HYDIN: variants seen among roughly 807,000 people sequenced by gnomAD.
The protein encoded by HYDIN is HYDIN axonemal central pair apparatus protein.
HYDIN carries 132 observed loss-of-function variants against 403.9 expected under a neutral mutation model. That is an observed-to-expected ratio of 0.33 (90% CI 0.28 to 0.38). HYDIN has a LOEUF of 0.38. HYDIN is among the 10% of genes least tolerant of loss of function. HYDIN has a pLI of 1.00. For synonymous variants in HYDIN, 1,202 were observed against 1,891.7 expected, an observed-to-expected ratio of 0.64 and a Z score of 9.46; for missense variants, 2,827 against 5,009.5, an observed-to-expected ratio of 0.56 and a Z score of 13.15.
intron 45 of HYDIN, among the ~76,000 whole-genome samples, chr16:70,923,398 G>T (rs1471301571): frequency 3.5e-5 from 5 of 141,166 alleles, no homozygotes. Flanking sequence ...AACCCGGGAG[G>T]TGGAGGTTGC....
At chr16:71,058,678 T>C (rs970779049) in intron 18 of HYDIN, among the ~76,000 whole-genome samples, 16 of 150,218 alleles carry the variant, frequency 1.1e-4, no homozygotes. Flanking sequence ...TTCATGTCTG[T>C]TCTTGTGCAA....
In HYDIN at chr16:71,183,907, T is replaced by C. The variant is rs191942511; in HGVS notation, c.261+958A>G. On this transcript the variant is annotated intron_variant, in intron 3 of 85. Transcript: ENST00000393567. Reference sequence around the variant, plus strand: ...GTCAAAACACATTAAAATACACTAGTAGTACACATGAAAAACTCCTCATAG... The same window carrying C: ...GTCAAAACACATTAAAATACACTAGCAGTACACATGAAAAACTCCTCATAG... Among the ~76,000 whole-genome samples the C allele has an allele frequency of 2.0e-4, 30 of 152,202 alleles. No individual in the cohort carries two copies. The East Asian group carries it at 4.8e-3, about 24-fold the overall frequency.
chr16:70,901,639 G>A (rs2076382610), intron 52 of HYDIN, among the ~76,000 whole-genome samples: 1 of 143,888 alleles, frequency 6.9e-6, no homozygotes, highest in South Asian at 2.2e-4. Flanking sequence ...AGTCTGGAGT[G>A]CAGTGGTGTG....
intron 30 of HYDIN, among the ~76,000 whole-genome samples, chr16:70,978,297 A>C (rs1415155982): frequency 1.3e-5 from 2 of 149,834 alleles, no homozygotes; most frequent in Non-Finnish European, 3.0e-5. Context: ...GAACCCACCC[A>C]GTTCGCCCTG....
At chr16:71,044,990 C>T (rs2081406421) in intron 18 of HYDIN, among the ~76,000 whole-genome samples, 1 of 151,280 alleles carries the variant, frequency 6.6e-6, no homozygotes, top group South Asian at 2.1e-4. Context: ...AATTGAGGGT[C>T]TGTTCTAGTT....
intron 1 of HYDIN, among the ~76,000 whole-genome samples, chr16:71,209,174 C>A (rs2088453715): frequency 6.7e-6 from 1 of 150,134 alleles, no homozygotes; most frequent in African/African-American, 2.5e-5. Context: ...AATCCAGTAG[C>A]ACATCAAAAA....
At chr16:71,056,128 T>TTG (rs1555627065) in intron 18 of HYDIN, among the ~76,000 whole-genome samples, 1 of 63,742 alleles carries the variant, frequency 1.6e-5, no homozygotes, top group Non-Finnish European at 4.8e-5. Flanking sequence ...CTGAGATTTG[T>TTG]TTTTTTTTTT....
intron 9 of HYDIN, among the ~76,000 whole-genome samples, chr16:71,116,376 G>T (rs1322586065): frequency 2.0e-5 from 3 of 152,136 alleles, no homozygotes; most frequent in Non-Finnish European, 4.4e-5. Context: ...CTCTTTCTTA[G>T]TAAGAGTGAA....
At chr16:71,090,146 T>C (rs2083070650) in intron 11 of HYDIN, 1 of 115,910 alleles carries the variant, frequency 8.6e-6, no homozygotes. Flanking sequence ...ATTTTATTCA[T>C]CTTTTTATGT....
At chr16:70,951,248 CAGAGAGAGAGAG>C (rs376262243) in intron 41 of HYDIN, among the ~76,000 whole-genome samples, 1 of 130,306 alleles carries the variant, frequency 7.7e-6, no homozygotes, top group Non-Finnish European at 1.6e-5. Flanking sequence ...GGAAAAGGGA[CAGAGAGAGAGAG>C]AGAGAGAGAG....
At position 70,990,544 on chromosome 16, in the gene HYDIN, C is replaced by G. The variant is rs890952454; in HGVS notation, c.3864+774G>C. 4.1e-5 allele frequency among the ~76,000 whole-genome samples: 6 copies of G among 145,102 alleles called. No individual in the cohort carries two copies. The East Asian group carries it at 9.0e-4, about 22-fold the overall frequency. On this transcript the variant is annotated intron_variant, in intron 25 of 85. Transcript: ENST00000393567. ...CACTGGGTATTTTTTCTTAATATAT[C>G]AAAGATTGTGCCAAATTAGTATGTA...
At chr16:71,004,480 A>G (rs1359610439) in intron 23 of HYDIN, among the ~76,000 whole-genome samples, 1 of 152,176 alleles carries the variant, frequency 6.6e-6, no homozygotes, top group African/African-American at 2.4e-5. Flanking sequence ...AGATGATCAT[A>G]TGTTTTTTCT....
chr16:71,058,619 TAAAA>T (rs200369366), intron 18 of HYDIN, among the ~76,000 whole-genome samples: 138 of 128,334 alleles, frequency 1.1e-3, no homozygotes, highest in African/African-American at 2.6e-3. Context: ...TAAATAAAAT[TAAAA>T]AAAAAAAAAA....
intron 1 of HYDIN, among the ~76,000 whole-genome samples, chr16:71,198,760 G>A (rs2087835078): frequency 6.6e-6 from 1 of 152,136 alleles, no homozygotes; most frequent in Non-Finnish European, 1.5e-5. Context: ...GGGTTCCTGG[G>A]TTTCTGCTGT....
chr16:71,059,682 T>C (rs1007521922), intron 18 of HYDIN, among the ~76,000 whole-genome samples: 2 of 152,206 alleles, frequency 1.3e-5, no homozygotes, highest in Non-Finnish European at 2.9e-5. Flanking sequence ...TTGGATACTA[T>C]GCTTATTACC....
intron 10 of HYDIN, among the ~76,000 whole-genome samples, chr16:71,107,957 T>C (rs1283069771): frequency 1.3e-5 from 2 of 152,150 alleles, no homozygotes; most frequent in African/African-American, 4.8e-5. Flanking sequence ...GAAAATGTGA[T>C]ACATATACAC....
At chr16:71,069,700 C>T (rs1877466) in intron 13 of HYDIN, among the ~76,000 whole-genome samples, 198 bp from the exon 14 acceptor site, 3,017 of 149,872 alleles carry the variant, frequency 0.02, no homozygotes, top group East Asian at 0.093. Context: ...AATGTATCTA[C>T]TTTTTCATTT....
intron 7 of HYDIN, among the ~76,000 whole-genome samples, chr16:71,149,238 T>C (rs1357890991): frequency 6.6e-6 from 1 of 152,100 alleles, no homozygotes; most frequent in Non-Finnish European, 1.5e-5. Context: ...GGTACCACTT[T>C]ATACCGAGTA....
intron 30 of HYDIN, among the ~76,000 whole-genome samples, chr16:70,976,111 G>T (rs2143999570): frequency 6.6e-6 from 1 of 151,958 alleles, no homozygotes; most frequent in Non-Finnish European, 1.5e-5. Context: ...TAACACAGTT[G>T]GTCACCTCAA....
Sources: gnomAD v4.1 joint callset for allele counts (sites outside exome capture counted in the v4.1 genomes callset) on GRCh38, gnomAD v4.1.1 for gene constraint, MANE v1.5 for transcripts, NCBI Gene and HGNC (gene_info 2026-07-23, HGNC 2026-07-21) for gene names.